OR2A14: variants seen among roughly 807,000 people sequenced by gnomAD.
The protein encoded by OR2A14 is olfactory receptor family 2 subfamily A member 14.
In OR2A14, 2 loss-of-function variants were observed where a neutral mutation model predicts 2.4. That is an observed-to-expected ratio of 0.85 (90% CI 0.35 to 2.67). The LOEUF (loss-of-function observed/expected upper bound fraction) is 2.67, where lower values mean the gene tolerates loss of function less well. Ranked by LOEUF, OR2A14 falls within the 30% of genes most tolerant of loss-of-function variation. The probability of loss-of-function intolerance (pLI) is 0.10; values close to 1 mark genes in which losing one functional copy is unlikely to be tolerated. For synonymous variants in OR2A14, 160 were observed against 156.3 expected (o/e 1.02, Z -0.18); for missense variants, 390 against 379.4 (o/e 1.03, Z -0.23).
chr7:144,125,719 A>T (rs1424443083), intron 1 of OR2A14, among the ~76,000 whole-genome samples: 2 of 152,042 alleles, frequency 1.3e-5, no homozygotes, highest in African/African-American at 4.8e-5. Flanking sequence ...TAAGAATTCT[A>T]TTTGTTTCTT....
At chr7:144,125,183 T>C (rs1452749470) in intron 1 of OR2A14, among the ~76,000 whole-genome samples, 2 of 152,254 alleles carry the variant, frequency 1.3e-5, no homozygotes, top group Non-Finnish European at 1.5e-5. Context: ...TCATGTTCAT[T>C]GCTCAGAATC....
In OR2A14 at chr7:144,126,386, T is replaced by C. The variant is rs73452192; in HGVS notation, c.-34-2693T>C. ...ATGGTTCAGGTACATTGTGTTTCTT[T>C]CTTTCTCTTCCCAGAACTCACCAAG... On this transcript the variant is annotated intron_variant, in intron 1 of 1. Transcript: ENST00000641068. Among the ~76,000 whole-genome samples, 830 of 152,310 alleles carry C rather than the reference T, an allele frequency of 5.4e-3. 11 individuals are homozygous for C. The highest frequency in any genetic ancestry group is 0.019 in the African/African-American group (777 of 41,572).
chr7:144,129,959 A>G lies in OR2A14; in HGVS notation c.847A>G (p.Met283Val), dbSNP rs749525292. The change falls in exon 2 of 2, where the codon ATG becomes GTG. Residue 283 changes from methionine (M) to valine (V), a missense_variant. Coordinates refer to ENST00000641068, the MANE Select transcript of OR2A14 (RefSeq NM_001001659.3). Reference sequence around the variant, plus strand: ...CCTGTTTTACAGCCTTTTCAATCCAATGCTGAACCCCCTGATATATAGCCT... The same window carrying G: ...CCTGTTTTACAGCCTTTTCAATCCAGTGCTGAACCCCCTGATATATAGCCT... Reference protein sequence around the residue: ...LSLFYSLFNPMLNPLIYSLRN... With the variant: ...LSLFYSLFNPVLNPLIYSLRN... 13 of 1,613,984 alleles carry G rather than the reference A, an allele frequency of 8.1e-6. No individual in the cohort carries two copies. The South Asian group carries it at 1.3e-4, about 16-fold the overall frequency.
intron 1 of OR2A14, among the ~76,000 whole-genome samples, chr7:144,125,312 T>C (rs1484305742): frequency 6.6e-6 from 1 of 152,212 alleles, no homozygotes; most frequent in East Asian, 1.9e-4. Context: ...CAGAAAAATG[T>C]ATCCATGCAG....
Position 144,129,220 on chromosome 7 carries a change from C to T in OR2A14, c.108C>T (p.Leu36=). 6.2e-7 allele frequency: 1 copy of T among 1,613,746 alleles called. No homozygotes were observed. The highest frequency in any genetic ancestry group is 8.5e-7 in the Non-Finnish European group (1 of 1,179,996). The part of the protein sequence containing the change: ...LCGLFSAFYT[L]TLLGNGVIFG... Reference sequence around the variant, plus strand: ...GACTTTTCTCTGCCTTCTATACACTCACCCTGCTGGGGAATGGGGTCATCT... The same window carrying T: ...GACTTTTCTCTGCCTTCTATACACTTACCCTGCTGGGGAATGGGGTCATCT... The change falls in exon 2 of 2, where the codon CTC becomes CTT. Residue 36 remains leucine (L), a synonymous_variant. Transcript: ENST00000641068.
chr7:144,129,383 A>T lies in OR2A14; in HGVS notation c.271A>T (p.Ile91Phe). The change falls in exon 2 of 2, where the codon ATC becomes TTC. Residue 91 changes from isoleucine to phenylalanine, a missense_variant. Physicochemically the swap from Ile to Phe is conservative, Grantham distance 21 (BLOSUM62 0). Coordinates refer to ENST00000641068, the MANE Select transcript of OR2A14 (RefSeq NM_001001659.3). ...GAATCTTATGAACCAGGAAAGCACC[A>T]TCTCCTTTTTTCCATGCATAATGCA... ...LTNLMNQEST[I>F]SFFPCIMQTF... is the part of the protein sequence containing the mutation. 1 of 1,614,170 alleles carries T rather than the reference A, an allele frequency of 6.2e-7. No individual in the cohort carries two copies. Among genetic ancestry groups the T allele is most frequent in the Non-Finnish European group, 8.5e-7 (1 of 1,180,010 alleles).
chr7:144,124,902 T>G (rs1472902902), intron 1 of OR2A14, among the ~76,000 whole-genome samples: 1 of 152,180 alleles, frequency 6.6e-6, no homozygotes, highest in African/African-American at 2.4e-5. Context: ...TGTCTTATAT[T>G]TAAACTCAAA....
chr7:144,129,410 A>T lies in OR2A14; in HGVS notation c.298A>T (p.Thr100Ser), dbSNP rs1457414023. The change falls in exon 2 of 2, where the codon ACA becomes TCA. Residue 100 changes from threonine to serine, a missense_variant. Coordinates refer to ENST00000641068, the MANE Select transcript of OR2A14 (RefSeq NM_001001659.3). ...TISFFPCIMQ[T>S]FLYLAFAHVE... ...CTCCTTTTTTCCATGCATAATGCAG[A>T]CATTCTTGTATTTGGCTTTTGCTCA... 1 of 1,614,214 alleles carries T rather than the reference A, an allele frequency of 6.2e-7. No homozygotes were observed. The highest frequency in any genetic ancestry group is 2.2e-5 in the East Asian group (1 of 44,886).
intron 1 of OR2A14, among the ~76,000 whole-genome samples, chr7:144,125,996 G>A (rs1407093302): frequency 1.3e-5 from 2 of 152,130 alleles, no homozygotes; most frequent in African/African-American, 4.8e-5. Flanking sequence ...AGCCAGGAGG[G>A]ACTAAAAATA....
At position 144,129,125 on chromosome 7, in the gene OR2A14, A is replaced by C. The variant is rs756168235; in HGVS notation, c.13A>C (p.Lys5Gln). MEGN[K>Q]TWITDITLPR... ...TGTCCACAAGAGCATGGAAGGCAACAAGACATGGATCACAGACATCACCTT... is the reference window on the plus strand; with the variant it reads ...TGTCCACAAGAGCATGGAAGGCAACCAGACATGGATCACAGACATCACCTT... Residue 5 changes from lysine to glutamine, a missense_variant, in exon 2 of 2, where the codon AAG (lysine) becomes CAG (glutamine). Lys to Gln is a moderately conservative substitution (Grantham distance 53, BLOSUM62 1). Transcript: ENST00000641068. The C allele has an allele frequency of 1.9e-6, 3 of 1,613,024 alleles. No homozygotes were observed. The highest frequency in any genetic ancestry group is 2.2e-5 in the East Asian group (1 of 44,850).
rs763947335 is a variant in OR2A14 at position 144,129,246 on chromosome 7, T to C, written c.134T>C (p.Phe45Ser). 60 of 1,614,080 alleles carry C rather than the reference T, an allele frequency of 3.7e-5. No homozygotes were observed. Among genetic ancestry groups the C allele is most frequent in the South Asian group, 5.5e-5 (5 of 91,084 alleles). ...ACCCTGCTGGGGAATGGGGTCATCT[T>C]TGGGATTATCTGCCTGGACTGTAAG... ...TLTLLGNGVI[F>S]GIICLDCKLH... Residue 45 changes from phenylalanine to serine, a missense_variant, in exon 2 of 2, where the codon TTT becomes TCT. Transcript: ENST00000641068.
chr7:144,126,095 T>C (rs1459553290), intron 1 of OR2A14, among the ~76,000 whole-genome samples: 1 of 152,176 alleles, frequency 6.6e-6, no homozygotes, highest in Admixed American at 6.5e-5. Flanking sequence ...CAACATTTGC[T>C]GTGTCCAAAA....
chr7:144,129,911 G>C lies in OR2A14; in HGVS notation c.799G>C (p.Glu267Gln). ...CATGGCCCCCAAGTCCCGCCATCCT[G>C]AGGAGCAGCAGAAAGTTCTTTCCCT... The part of the protein sequence containing the change: ...TYMAPKSRHP[E>Q]EQQKVLSLFY... Residue 267 changes from glutamate (E) to glutamine (Q), a missense_variant, in exon 2 of 2, where the codon GAG becomes CAG. Glu to Gln is a conservative substitution (Grantham distance 29). Transcript: ENST00000641068. 1.2e-6 allele frequency: 2 copies of C among 1,614,184 alleles called. No individual in the cohort carries two copies. The highest frequency in any genetic ancestry group is 2.2e-5 in the East Asian group (1 of 44,872).
chr7:144,129,041 C>A, intron 1 of OR2A14, 38 bp from the exon 2 acceptor site: 1 of 1,196,576 alleles, frequency 8.4e-7, no homozygotes, highest in Non-Finnish European at 1.2e-6. Context: ...GTTATAATTT[C>A]TAAGTGCTCC....
rs2951335 is a variant in OR2A14 at position 144,130,223 on chromosome 7, A to C, written c.*178A>C. 0.58 allele frequency: 297,196 copies of C among 514,020 alleles called. 88,943 individuals carry two copies. The highest frequency in any genetic ancestry group is 0.78 in the African/African-American group (40,891 of 52,446). The allele number at this position is 514,020 out of a possible 1,614,324, so 31.8% of individuals were successfully genotyped here. On this transcript the variant is annotated 3_prime_UTR_variant, in exon 2 of 2. Coordinates refer to ENST00000641068, the MANE Select transcript of OR2A14 (RefSeq NM_001001659.3). ...AAAGATAGGTAAATGCATTTATAAT[A>C]CTGGATAGGCATAAATTCATAAAGA...
rs766228978 is a variant in OR2A14, at chr7:144,129,445, T to A, written c.333T>A (p.Cys111Ter). ...FLYLAFAHVE[C>*]LILVVMSYDR... ...ATTTGGCTTTTGCTCACGTAGAGTG[T>A]CTGATTTTGGTGGTGATGTCCTATG... The change falls in exon 2 of 2, where the codon TGT becomes TGA. Residue 111 changes from cysteine (C) to a stop codon, truncating the protein, a stop_gained. Coordinates refer to ENST00000641068, the MANE Select transcript of OR2A14 (RefSeq NM_001001659.3). LOFTEE classifies it low-confidence loss of function (END_TRUNC). 1 of 1,614,122 alleles carries A rather than the reference T, an allele frequency of 6.2e-7. No homozygotes were observed. Among genetic ancestry groups the A allele is most frequent in the Non-Finnish European group, 8.5e-7 (1 of 1,179,976 alleles).
At chr7:144,128,612 G>A (rs1339652806) in intron 1 of OR2A14, among the ~76,000 whole-genome samples, 1 of 152,220 alleles carries the variant, frequency 6.6e-6, no homozygotes, top group East Asian at 1.9e-4. Flanking sequence ...GTGAGGGACA[G>A]TGAGCAAGCC....
Position 144,129,068 on chromosome 7 carries a change from CTG to C in OR2A14, c.-34-10_-34-9del. 1 of 1,464,176 alleles carries C rather than the reference CTG, an allele frequency of 6.8e-7. No homozygotes were observed. The allele number at this position is 1,464,176 out of a possible 1,614,324, so 90.7% of individuals were successfully genotyped here. ...AAGTGCTCCCTCTGTGCATCTTTGA[CTG>C]GCCCACAGCTCTGACCTTCCTGTCC... On this transcript the variant is annotated splice_polypyrimidine_tract_variant and intron_variant, in intron 1 of 1. Transcript: ENST00000641068.
chr7:144,124,466 A>AAAAG (rs1183332888), intron 1 of OR2A14, among the ~76,000 whole-genome samples: 1 of 151,150 alleles, frequency 6.6e-6, no homozygotes, highest in East Asian at 1.9e-4. Context: ...CCGTCTCAAA[A>AAAAG]AAAAAAAAAA....
Sources: gnomAD v4.1 joint callset for allele counts (sites outside exome capture counted in the v4.1 genomes callset) on GRCh38, gnomAD v4.1.1 for gene constraint, MANE v1.5 for transcripts, NCBI Gene and HGNC (gene_info 2026-07-23, HGNC 2026-07-21) for gene names.